The following RASA3 variants were observed in gnomAD, a reference collection of about 807,000 sequenced individuals.
RASA3 encodes the protein ras GTPase-activating protein 3.
RASA3 carries 73 observed loss-of-function variants against 110.0 expected under a neutral mutation model. The observed-to-expected ratio is 0.66, with a 90% CI of 0.55 to 0.81. The LOEUF (loss-of-function observed/expected upper bound fraction) is 0.81. RASA3 is among the 30% of genes least tolerant of loss of function. The pLI, the probability that RASA3 is intolerant of heterozygous loss-of-function variation, is 0.00. For missense variants in RASA3, 976 were observed against 1,113.2 expected (o/e 0.88, Z 1.75); for synonymous variants, 500 against 451.4 (o/e 1.11, Z -1.37).
At chr13:114,100,185 G>C (rs908584297) in intron 1 of RASA3, among the ~76,000 whole-genome samples, 2 of 151,594 alleles carry the variant, frequency 1.3e-5, no homozygotes, top group Non-Finnish European at 2.9e-5. Context: ...GCTCGCAGGA[G>C]ACGCAGCTCT....
At chr13:114,119,527 C>CTT (rs1257860111) in intron 1 of RASA3, among the ~76,000 whole-genome samples, 2 of 110,454 alleles carry the variant, frequency 1.8e-5, no homozygotes, top group Admixed American at 8.6e-5. Flanking sequence ...GCCCCCCTCC[C>CTT]CTCTCCAGCC....
chr13:114,063,405 AAT>A (rs147405013), intron 2 of RASA3, among the ~76,000 whole-genome samples: 20,249 of 150,354 alleles, frequency 0.13, 1,753 homozygotes, highest in Middle Eastern at 0.21. Flanking sequence ...TTCATACTAT[AAT>A]GACTCATTAT....
chr13:114,038,398 G>A (rs1451502406), intron 4 of RASA3, among the ~76,000 whole-genome samples: 3 of 152,282 alleles, frequency 2.0e-5, no homozygotes, highest in Non-Finnish European at 4.4e-5. Flanking sequence ...TAGTTCTGCA[G>A]TAATCACAGC....
Position 114,015,218 on chromosome 13 carries a change from G to T in RASA3, c.1396C>A (p.Arg466Ser), listed in dbSNP as rs377496833. Residue 466 changes from arginine (R) to serine (S), a missense_variant, in exon 14 of 24, where the codon CGC becomes AGC. Around this residue, in one of 4 missense-constraint regions of RASA3, gnomAD observed 732 missense variants for 779.7 expected, o/e 0.94. Transcript: ENST00000334062. ...FFSLREAAAKRFQDDPDVRYT... is the reference protein window; with the variant it reads ...FFSLREAAAKSFQDDPDVRYT... ...TGTTCAGGGCACTCACCCTGGAAGC[G>T]CTTGGCCGCCGCCTCCCGGAGGGAG... 6.2e-7 allele frequency: 1 copy of T among 1,613,006 alleles called. No individual in the cohort carries two copies. Among genetic ancestry groups the T allele is most frequent in the South Asian group, 1.1e-5 (1 of 91,084 alleles).
intron 2 of RASA3, among the ~76,000 whole-genome samples, chr13:114,068,281 G>C (rs2079489692): frequency 6.6e-6 from 1 of 152,266 alleles, no homozygotes; most frequent in Admixed American, 6.5e-5. Flanking sequence ...CAGTGGCAGG[G>C]GGTAGGGTCA....
chr13:114,047,790 C>T (rs2079077855), intron 3 of RASA3, among the ~76,000 whole-genome samples: 1 of 152,338 alleles, frequency 6.6e-6, no homozygotes, highest in South Asian at 2.1e-4. Context: ...GTTTGAGTCA[C>T]GTGGCCTCCT....
At chr13:114,075,924 G>A (rs1594429221) in intron 1 of RASA3, among the ~76,000 whole-genome samples, 1 of 102,504 alleles carries the variant, frequency 9.8e-6, no homozygotes, top group South Asian at 3.1e-4. Flanking sequence ...GGCGCCGGCA[G>A]GACGAAGCCT....
chr13:114,121,123 T>C (rs1273942372), intron 1 of RASA3, among the ~76,000 whole-genome samples: 1 of 152,214 alleles, frequency 6.6e-6, no homozygotes, highest in African/African-American at 2.4e-5. Flanking sequence ...AAATACAAAA[T>C]ACTAGAAAAT....
chr13:113,993,537 T>A (rs2053165709), intron 21 of RASA3, among the ~76,000 whole-genome samples: 1 of 151,764 alleles, frequency 6.6e-6, no homozygotes, highest in African/African-American at 2.4e-5. Context: ...CCGGGTGTGG[T>A]GGCTCACACC....
At chr13:114,015,368 G>A in intron 13 of RASA3, 36 bp from the exon 14 acceptor site, 2 of 1,609,502 alleles carry the variant, frequency 1.2e-6, no homozygotes, top group South Asian at 1.1e-5. Context: ...CCACTCCCGA[G>A]GCTGCCCACA....
In RASA3 at chr13:114,019,620, T is replaced by C. The variant is rs115167313; in HGVS notation, c.786-701A>G. On this transcript the variant is annotated intron_variant, in intron 9 of 23. Coordinates refer to ENST00000334062, the MANE Select transcript of RASA3 (RefSeq NM_007368.4). Reference sequence around the variant, plus strand: ...TTGGTGGAGCCCGTGTCCGAGACATTAGCACCCCTGTCAGGTAGGTGGAGC... The same window carrying C: ...TTGGTGGAGCCCGTGTCCGAGACATCAGCACCCCTGTCAGGTAGGTGGAGC... Among the ~76,000 whole-genome samples, 1,247 of 147,582 alleles carry C rather than the reference T, an allele frequency of 8.4e-3. 23 individuals carry two copies. The highest frequency in any genetic ancestry group is 0.03 in the African/African-American group (1,172 of 39,510).
At position 113,992,527 on chromosome 13, in the gene RASA3, A is replaced by T. The variant is rs1284315155; in HGVS notation, c.2203T>A (p.Ser735Thr). 6.2e-7 allele frequency: 1 copy of T among 1,613,616 alleles called. No individual in the cohort carries two copies. The highest frequency in any genetic ancestry group is 1.1e-5 in the South Asian group (1 of 91,084). The change falls in exon 22 of 24, where the codon TCC becomes ACC. Residue 735 changes from serine to threonine, a missense_variant. Physicochemically the swap from Ser to Thr is moderately conservative, Grantham distance 58 (BLOSUM62 1). Around this residue, in one of 4 missense-constraint regions of RASA3, gnomAD observed 132 missense variants for 152.8 expected, o/e 0.86. Coordinates refer to ENST00000334062, the MANE Select transcript of RASA3 (RefSeq NM_007368.4). Reference protein sequence around the residue: ...DGDRETERIYSLFNLYMSKLE... With the variant: ...DGDRETERIYTLFNLYMSKLE... Reference sequence around the variant, plus strand: ...TTGCTCATGTACAAGTTGAAGAGGGAGTAGATACGCTCCGTCTCACGGTCC... The same window carrying T: ...TTGCTCATGTACAAGTTGAAGAGGGTGTAGATACGCTCCGTCTCACGGTCC...
Position 114,015,327 on chromosome 13 carries a change from G to T in RASA3, c.1287C>A (p.Asn429Lys). Reference protein sequence around the residue: ...DGENLENNMENLRQYVDRVFH... With the variant: ...DGENLENNMEKLRQYVDRVFH... Reference sequence around the variant, plus strand: ...AGACGCGGTCCACATACTGCCGTAGGTTCTCCTGCAACGGGACACGGCACT... The same window carrying T: ...AGACGCGGTCCACATACTGCCGTAGTTTCTCCTGCAACGGGACACGGCACT... The change falls in exon 14 of 24, where the codon AAC (asparagine) becomes AAA (lysine). Residue 429 changes from asparagine (N) to lysine (K), a missense_variant. Coordinates refer to ENST00000334062, the MANE Select transcript of RASA3 (RefSeq NM_007368.4). The T allele has an allele frequency of 6.2e-7, 1 of 1,612,852 alleles. No individual in the cohort carries two copies. Among genetic ancestry groups the T allele is most frequent in the Non-Finnish European group, 8.5e-7 (1 of 1,179,930 alleles).
At chr13:114,076,396 AC>A (rs2079682060) in intron 1 of RASA3, among the ~76,000 whole-genome samples, 1 of 152,190 alleles carries the variant, frequency 6.6e-6, no homozygotes, top group African/African-American at 2.4e-5. Context: ...CTAGGCTGCT[AC>A]GAGGCACCTG....
intron 12 of RASA3, 73 bp downstream of exon 12, chr13:114,017,164 A>G: frequency 1.5e-6 from 2 of 1,361,800 alleles, no homozygotes; most frequent in South Asian, 1.2e-5. Context: ...GCTGGATCCC[A>G]GTGCAGTGCC....
intron 2 of RASA3, among the ~76,000 whole-genome samples, chr13:114,058,650 G>A (rs890896084): frequency 6.6e-6 from 1 of 152,192 alleles, no homozygotes; most frequent in African/African-American, 2.4e-5. Flanking sequence ...TCGCCTGCCC[G>A]ACAATGCCCT....
chr13:114,013,924 G>A (rs865958811), intron 14 of RASA3, among the ~76,000 whole-genome samples: 2 of 90,560 alleles, frequency 2.2e-5, no homozygotes, highest in Non-Finnish European at 4.4e-5. Context: ...CTCTCTCTCC[G>A]TCTCTCTCTC....
At chr13:114,109,150 C>T (rs1223446471) in intron 1 of RASA3, among the ~76,000 whole-genome samples, 6 of 152,212 alleles carry the variant, frequency 3.9e-5, no homozygotes, top group Admixed American at 1.3e-4. Flanking sequence ...CAAACACACA[C>T]GGGCCCCCGA....
chr13:114,132,387 C>T, intron 1 of RASA3, 48 bp downstream of exon 1: 1 of 1,470,354 alleles, frequency 6.8e-7, no homozygotes, highest in Non-Finnish European at 9.0e-7. Flanking sequence ...CGGGAGAGGA[C>T]AGGGTCGGGC....
Sources: gnomAD v4.1 joint callset for allele counts (sites outside exome capture counted in the v4.1 genomes callset) on GRCh38, gnomAD v4.1.1 for gene constraint, gnomAD v4.1.1 regional missense constraint, MANE v1.5 for transcripts, NCBI Gene and HGNC (gene_info 2026-07-23, HGNC 2026-07-21) for gene names.